SYN3: variants seen among roughly 807,000 people sequenced by gnomAD.
SYN3 encodes synapsin-3.
Under a neutral mutation model 65.8 loss-of-function variants are expected in SYN3, and 35 were observed. That is an observed-to-expected ratio of 0.53 (90% confidence interval 0.41 to 0.70). SYN3 has a LOEUF of 0.70. SYN3 is among the 30% of genes least tolerant of loss of function. The pLI, the probability that SYN3 is intolerant of heterozygous loss-of-function variation, is 0.00. For synonymous variants in SYN3, 270 were observed against 292.9 expected (o/e 0.92, Z 0.80); for missense variants, 680 against 749.0 (o/e 0.91, Z 1.08).
chr22:32,938,710 T>C (rs931720997), intron 3 of SYN3, among the ~76,000 whole-genome samples: 1 of 151,950 alleles, frequency 6.6e-6, no homozygotes, highest in Non-Finnish European at 1.5e-5. Context: ...GTGGATAACC[T>C]GAGGTCAGGA....
intron 3 of SYN3, among the ~76,000 whole-genome samples, chr22:32,943,573 A>G (rs2051007675): frequency 6.6e-6 from 1 of 152,220 alleles, no homozygotes; most frequent in Non-Finnish European, 1.5e-5. Flanking sequence ...CATCATAATG[A>G]CAGGATCAAA....
intron 6 of SYN3, among the ~76,000 whole-genome samples, chr22:32,804,413 T>C (rs5749512): frequency 0.15 from 22,617 of 152,178 alleles, 2,040 homozygotes; most frequent in African/African-American, 0.26. Flanking sequence ...CAAACAAATA[T>C]GAAGGAGCTC....
At chr22:32,604,815 C>G (rs1307913179) in intron 6 of SYN3, among the ~76,000 whole-genome samples, 1 of 151,940 alleles carries the variant, frequency 6.6e-6, no homozygotes, top group Non-Finnish European at 1.5e-5. Flanking sequence ...ACCATCCTGG[C>G]TAACACGGTG....
chr22:32,858,157 G>A lies in SYN3; in HGVS notation c.711+6758C>T, dbSNP rs755534640. 4.3e-6 allele frequency: 7 copies of A among 1,611,328 alleles called. No individual in the cohort carries two copies. In the African/African-American group the frequency reaches 9.3e-5, roughly 21 times the overall value. On this transcript the variant is annotated intron_variant, in intron 6 of 13. Transcript: ENST00000358763. Reference sequence around the variant, plus strand: ...CTGCAAGGTAAGCTCTGGGGTCACTGGGGGAAGGAGGGGAGGTGCTGACTT... The same window carrying A: ...CTGCAAGGTAAGCTCTGGGGTCACTAGGGGAAGGAGGGGAGGTGCTGACTT...
At chr22:32,550,618 TC>T (rs1042473529) in intron 7 of SYN3, among the ~76,000 whole-genome samples, 1 of 151,766 alleles carries the variant, frequency 6.6e-6, no homozygotes, top group Non-Finnish European at 1.5e-5. Context: ...ATTCAAAATA[TC>T]AGGATGAATT....
At chr22:32,752,725 C>G (rs2045167894) in intron 6 of SYN3, among the ~76,000 whole-genome samples, 1 of 152,198 alleles carries the variant, frequency 6.6e-6, no homozygotes, top group African/African-American at 2.4e-5. Flanking sequence ...TAACCTCCTT[C>G]TGGGGGTCCT....
intron 3 of SYN3, among the ~76,000 whole-genome samples, chr22:32,959,741 T>G (rs1040952452): frequency 1.3e-5 from 2 of 152,070 alleles, no homozygotes; most frequent in Non-Finnish European, 2.9e-5. Flanking sequence ...ACTACAGGCG[T>G]GTGCCACAAT....
rs114727696 is a variant in SYN3 at position 32,612,952 on chromosome 22, C to T, written c.712-16216G>A. On this transcript the variant is annotated intron_variant, in intron 6 of 13. Coordinates refer to ENST00000358763, the MANE Select transcript of SYN3 (RefSeq NM_003490.4). ...GAGGAGGGACCTGGTGGCAGGTGAT[C>T]GGATCATGGGGGCAGATTTCTCCCT... 4.7e-3 allele frequency among the ~76,000 whole-genome samples: 712 copies of T among 152,208 alleles called. 5 individuals carry two copies. The highest frequency in any genetic ancestry group is 0.016 in the African/African-American group (667 of 41,546).
intron 6 of SYN3, among the ~76,000 whole-genome samples, chr22:32,814,880 T>C (rs2047045763): frequency 6.6e-6 from 1 of 152,162 alleles, no homozygotes; most frequent in Non-Finnish European, 1.5e-5. Context: ...TTTCCCATAG[T>C]CATGTTTAAA....
chr22:32,557,025 A>G (rs1412542402), intron 7 of SYN3, among the ~76,000 whole-genome samples: 24 of 152,044 alleles, frequency 1.6e-4, no homozygotes, highest in Admixed American at 1.5e-3. Context: ...ACTTTTTAAG[A>G]TGGTATAAAC....
intron 6 of SYN3, among the ~76,000 whole-genome samples, chr22:32,800,298 C>T (rs1380206117): frequency 6.6e-6 from 1 of 151,956 alleles, no homozygotes; most frequent in Non-Finnish European, 1.5e-5. Context: ...ATGGAAGATC[C>T]CAGCTGCAAA....
intron 6 of SYN3, among the ~76,000 whole-genome samples, chr22:32,864,120 G>A (rs1279266438): frequency 6.6e-6 from 1 of 152,154 alleles, no homozygotes; most frequent in East Asian, 1.9e-4. Flanking sequence ...TCTACAAACA[G>A]CCACAGTAAG....
intron 2 of SYN3, among the ~76,000 whole-genome samples, chr22:32,992,812 C>CAAAATA (rs774514381): frequency 1.4e-4 from 21 of 151,996 alleles, no homozygotes; most frequent in African/African-American, 3.6e-4. Context: ...GACTCCATCT[C>CAAAATA]AAAATAAAAA....
chr22:32,599,791 G>T (rs1174900337), intron 6 of SYN3, among the ~76,000 whole-genome samples: 1 of 152,100 alleles, frequency 6.6e-6, no homozygotes, highest in African/African-American at 2.4e-5. Flanking sequence ...AGAACTATGT[G>T]GCTAGTTATG....
intron 6 of SYN3, among the ~76,000 whole-genome samples, chr22:32,733,621 T>A (rs2061299469): frequency 6.6e-6 from 1 of 152,216 alleles, no homozygotes; most frequent in East Asian, 1.9e-4. Context: ...CAGCCTTATC[T>A]TATTCATCTC....
chr22:32,513,772 C>T lies in SYN3; in HGVS notation c.1663G>A (p.Gly555Arg). 1 of 1,614,188 alleles carries T rather than the reference C, an allele frequency of 6.2e-7. No homozygotes were observed. Among genetic ancestry groups the T allele is most frequent in the Non-Finnish European group, 8.5e-7 (1 of 1,180,044 alleles). Residue 555 changes from glycine to arginine, a missense_variant, in exon 14 of 14, where the codon GGG becomes AGG. Physicochemically the swap from Gly to Arg is moderately radical, Grantham distance 125. Coordinates refer to ENST00000358763, the MANE Select transcript of SYN3 (RefSeq NM_003490.4). Reference protein sequence around the residue: ...SLSTSDTSQRGTPSEDEAKAE... With the variant: ...SLSTSDTSQRRTPSEDEAKAE... ...TTGGCCTCGTCTTCACTTGGGGTCC[C>T]ACGCTGGGAGGTGTCGGATGTGCTG...
rs1390022953 is a variant in SYN3 at position 32,748,502 on chromosome 22, C to T, written c.711+116413G>A. Among the ~76,000 whole-genome samples, 4 of 152,340 alleles carry T rather than the reference C, an allele frequency of 2.6e-5. No homozygotes were observed. In the East Asian group the frequency reaches 5.8e-4, roughly 22 times the overall value. ...TCAGAGTTCAGTGAAGAGTATCTTACATCAACAGTAAAAAGTTGATCTTCC... is the reference window on the plus strand; with the variant it reads ...TCAGAGTTCAGTGAAGAGTATCTTATATCAACAGTAAAAAGTTGATCTTCC... On this transcript the variant is annotated intron_variant, in intron 6 of 13. Transcript: ENST00000358763.
At chr22:32,525,000 G>A (rs918037909) in intron 12 of SYN3, among the ~76,000 whole-genome samples, 1 of 152,182 alleles carries the variant, frequency 6.6e-6, no homozygotes, top group South Asian at 2.1e-4. Flanking sequence ...GGGCTATAGA[G>A]CGAGACTCTG....
intron 6 of SYN3, among the ~76,000 whole-genome samples, chr22:32,773,782 C>T (rs2045837038): frequency 1.3e-5 from 2 of 152,086 alleles, no homozygotes; most frequent in Admixed American, 6.6e-5. Flanking sequence ...TGAAGTATTA[C>T]AGGGCCTGCA....
Sources: gnomAD v4.1 joint callset for allele counts (sites outside exome capture counted in the v4.1 genomes callset) on GRCh38, gnomAD v4.1.1 for gene constraint, MANE v1.5 for transcripts, NCBI Gene and HGNC (gene_info 2026-07-23, HGNC 2026-07-21) for gene names.